The following HTR4 variants were observed in gnomAD, a reference collection of about 807,000 sequenced individuals.
HTR4 encodes 5-hydroxytryptamine receptor 4, also known as 5-hydroxytryptamine (serotonin) receptor 4, G protein-coupled.
Under a neutral mutation model 36.8 loss-of-function variants are expected in HTR4, and 16 were observed. The observed-to-expected ratio is 0.43, with a 90% CI of 0.29 to 0.66. HTR4 has a LOEUF of 0.66. Ranked by LOEUF, HTR4 falls within the 30% of genes least tolerant of loss-of-function variation. The pLI is 0.13. For synonymous variants in HTR4, 189 were observed against 185.1 expected, an observed-to-expected ratio of 1.02 and a Z score of -0.17; for missense variants, 438 against 490.9, an observed-to-expected ratio of 0.89 and a Z score of 1.02.
At chr5:148,569,144 G>C (rs958544131) in intron 2 of HTR4, among the ~76,000 whole-genome samples, 5 of 151,912 alleles carry the variant, frequency 3.3e-5, no homozygotes, top group African/African-American at 4.8e-5. Flanking sequence ...AGAGAGTTCA[G>C]TCATATTTGT....
chr5:148,493,600 T>C (rs967935673), intron 6 of HTR4, among the ~76,000 whole-genome samples: 2 of 152,156 alleles, frequency 1.3e-5, no homozygotes, highest in Admixed American at 1.3e-4. Flanking sequence ...TTGGTGCTAA[T>C]AATTTTAAAA....
chr5:148,576,131 A>C (rs1448861599), intron 2 of HTR4, among the ~76,000 whole-genome samples: 2 of 149,224 alleles, frequency 1.3e-5, no homozygotes, highest in South Asian at 4.4e-4. Context: ...AAAAAAAAAA[A>C]AACAAAATCA....
chr5:148,569,635 A>G (rs932394911), intron 2 of HTR4, among the ~76,000 whole-genome samples: 1 of 151,680 alleles, frequency 6.6e-6, no homozygotes. Context: ...TGCTATACTT[A>G]CAATAAAATA....
chr5:148,473,153 G>A (rs916503174), downstream of HTR4, among the ~76,000 whole-genome samples: 5 of 152,002 alleles, frequency 3.3e-5, no homozygotes, highest in Non-Finnish European at 5.9e-5. Context: ...CAAAAAATTA[G>A]CTGGGTGTGG....
intron 2 of HTR4, among the ~76,000 whole-genome samples, chr5:148,574,703 C>CTGGG (rs1760820494): frequency 6.6e-6 from 1 of 152,074 alleles, no homozygotes; most frequent in African/African-American, 2.4e-5. Flanking sequence ...CCACTACTTG[C>CTGGG]TGGGGCTGGT....
intron 2 of HTR4, among the ~76,000 whole-genome samples, chr5:148,624,855 G>A (rs868371542): frequency 6.6e-6 from 1 of 152,124 alleles, no homozygotes; most frequent in African/African-American, 2.4e-5. Context: ...TAAAATAAAG[G>A]CTTTATCAAT....
chr5:148,643,010 G>A (rs544405169), intron 1 of HTR4, among the ~76,000 whole-genome samples: 2 of 152,148 alleles, frequency 1.3e-5, no homozygotes, highest in South Asian at 4.2e-4. Flanking sequence ...ATTAGCACTG[G>A]TAGTAAAAAT....
chr5:148,594,005 A>G (rs141013178), intron 2 of HTR4, among the ~76,000 whole-genome samples: 1 of 152,274 alleles, frequency 6.6e-6, no homozygotes, highest in Non-Finnish European at 1.5e-5. Flanking sequence ...AAAAATTGTT[A>G]TTCTTTATTA....
At chr5:148,458,079 C>CTTT in intron 5 of HTR4, among the ~76,000 whole-genome samples, 1 of 40,108 alleles carries the variant, frequency 2.5e-5, no homozygotes, top group Admixed American at 2.3e-4. Context: ...TTTAATAGAT[C>CTTT]TTAAAATATA....
At chr5:148,472,739 G>A (rs1005616657), downstream of HTR4, among the ~76,000 whole-genome samples, 1 of 152,124 alleles carries the variant, frequency 6.6e-6, no homozygotes, top group African/African-American at 2.4e-5. Flanking sequence ...GCAGGGAGAA[G>A]TTGCACACAG....
chr5:148,536,935 A>T (rs1445307710), intron 4 of HTR4, among the ~76,000 whole-genome samples: 1 of 152,210 alleles, frequency 6.6e-6, no homozygotes, highest in Admixed American at 6.5e-5. Context: ...CAGAATATAC[A>T]TTCTTCTCAT....
chr5:148,616,987 C>G (rs554277505), intron 2 of HTR4, among the ~76,000 whole-genome samples: 1 of 152,206 alleles, frequency 6.6e-6, no homozygotes, highest in African/African-American at 2.4e-5. Flanking sequence ...CCATAGTTAG[C>G]TTTATTAATT....
chr5:148,550,814 G>T (rs1208675988), intron 2 of HTR4, among the ~76,000 whole-genome samples: 1 of 152,140 alleles, frequency 6.6e-6, no homozygotes, highest in African/African-American at 2.4e-5. Flanking sequence ...AGAAGTGGAC[G>T]TCTCATGGCA....
At chr5:148,499,528 T>C (rs1211437748) in intron 6 of HTR4, among the ~76,000 whole-genome samples, 1 of 152,236 alleles carries the variant, frequency 6.6e-6, no homozygotes, top group African/African-American at 2.4e-5. Flanking sequence ...GATTGGTTTC[T>C]TTTTAAATCC....
intron 1 of HTR4, among the ~76,000 whole-genome samples, chr5:148,640,097 A>G (rs968615865): frequency 6.6e-6 from 1 of 152,144 alleles, no homozygotes; most frequent in African/African-American, 2.4e-5. Flanking sequence ...CACTTGACCA[A>G]TCTGGGAATA....
chr5:148,600,733 T>C (rs574319130), intron 2 of HTR4, among the ~76,000 whole-genome samples: 1 of 151,536 alleles, frequency 6.6e-6, no homozygotes, highest in Non-Finnish European at 1.5e-5. Flanking sequence ...GAAGGAGAAA[T>C]GGAAAAGATC....
intron 5 of HTR4, among the ~76,000 whole-genome samples, chr5:148,460,025 A>C (rs1006690640): frequency 6.6e-6 from 1 of 152,186 alleles, no homozygotes; most frequent in Non-Finnish European, 1.5e-5. Context: ...TGATGGACTT[A>C]TTAGTAGACT....
At chr5:148,587,697 G>A (rs891025222) in intron 2 of HTR4, among the ~76,000 whole-genome samples, 1 of 152,124 alleles carries the variant, frequency 6.6e-6, no homozygotes, top group Admixed American at 6.6e-5. Context: ...TCCAAGCAGG[G>A]TGTGTGGGGA....
chr5:148,586,175 C>T (rs921657881), intron 2 of HTR4, among the ~76,000 whole-genome samples: 3 of 152,142 alleles, frequency 2.0e-5, no homozygotes, highest in African/African-American at 7.2e-5. Flanking sequence ...CTCACTGCTG[C>T]ATTCCAGAGG....
Sources: gnomAD v4.1 joint callset for allele counts (sites outside exome capture counted in the v4.1 genomes callset) on GRCh38, gnomAD v4.1.1 for gene constraint, MANE v1.5 for transcripts, NCBI Gene and HGNC (gene_info 2026-07-23, HGNC 2026-07-21) for gene names.